RYK: variants seen among roughly 807,000 people sequenced by gnomAD.
RYK encodes inactive tyrosine-protein kinase RYK.
In RYK, 21 loss-of-function variants were observed where a neutral mutation model predicts 70.2. That is an observed-to-expected ratio of 0.30 (90% CI 0.21 to 0.43). The LOEUF (loss-of-function observed/expected upper bound fraction) is 0.43. Ranked by LOEUF, RYK falls within the 20% of genes least tolerant of loss-of-function variation. RYK has a pLI of 1.00. For missense variants in RYK, 604 were observed against 753.3 expected, an observed-to-expected ratio of 0.80 and a Z score of 2.32; for synonymous variants, 267 against 278.0, an observed-to-expected ratio of 0.96 and a Z score of 0.39.
intron 2 of RYK, among the ~76,000 whole-genome samples, 194 bp downstream of exon 2, chr3:134,222,224 C>T (rs542248488): frequency 1.3e-5 from 2 of 152,262 alleles, no homozygotes; most frequent in South Asian, 2.1e-4. Flanking sequence ...TAGCCACCTT[C>T]GTTTTAAAGG....
intron 10 of RYK, among the ~76,000 whole-genome samples, chr3:134,182,523 T>G (rs1012310243): frequency 6.6e-6 from 1 of 152,182 alleles, no homozygotes; most frequent in Non-Finnish European, 1.5e-5. Context: ...TCTAGAGATA[T>G]GTCTCTAGAT....
intron 5 of RYK, among the ~76,000 whole-genome samples, chr3:134,204,596 CACACACA>C (rs2014146770): frequency 1.2e-5 from 1 of 84,694 alleles, no homozygotes; most frequent in African/African-American, 3.9e-5. Context: ...CACAGCCACA[CACACACA>C]CACACACACA....
chr3:134,221,841 A>C (rs1250767794), intron 2 of RYK, among the ~76,000 whole-genome samples: 1 of 152,172 alleles, frequency 6.6e-6, no homozygotes, highest in Non-Finnish European at 1.5e-5. Context: ...GAGAAAACTT[A>C]CCATGTTTGA....
chr3:134,223,430 T>G (rs543938288), intron 1 of RYK, among the ~76,000 whole-genome samples: 11 of 152,260 alleles, frequency 7.2e-5, no homozygotes, highest in Non-Finnish European at 1.2e-4. Flanking sequence ...ATCACTACTT[T>G]TCAGTGGCAA....
chr3:134,220,025 A>G (rs968442894), intron 2 of RYK, among the ~76,000 whole-genome samples: 1 of 152,210 alleles, frequency 6.6e-6, no homozygotes, highest in African/African-American at 2.4e-5. Context: ...AGTTACCACC[A>G]CCAGTCATGG....
At chr3:134,189,744 AAAAAAAAAAAAAAAAAC>A (rs1052324023) in intron 8 of RYK, among the ~76,000 whole-genome samples, 1 of 148,264 alleles carries the variant, frequency 6.7e-6, no homozygotes, top group African/African-American at 2.5e-5. Context: ...CTCCGCCAAA[AAAAAAAAAAAAAAAAAC>A]AAAAAACAAA....
chr3:134,245,390 C>A (rs928477710), intron 1 of RYK, among the ~76,000 whole-genome samples: 6 of 151,508 alleles, frequency 4.0e-5, no homozygotes, highest in Non-Finnish European at 7.4e-5. Context: ...AAAAAAATCA[C>A]AAAGACATCA....
chr3:134,166,995 C>A (rs2012697232), intron 13 of RYK, among the ~76,000 whole-genome samples: 1 of 151,954 alleles, frequency 6.6e-6, no homozygotes, highest in Non-Finnish European at 1.5e-5. Flanking sequence ...CTAGATTTTT[C>A]CTGTCTTTAA....
intron 13 of RYK, among the ~76,000 whole-genome samples, chr3:134,174,892 T>C (rs922930988): frequency 2.0e-5 from 3 of 152,198 alleles, no homozygotes; most frequent in East Asian, 1.9e-4. Flanking sequence ...AGAGGTCACC[T>C]GAAAAAAAGA....
intron 13 of RYK, among the ~76,000 whole-genome samples, chr3:134,165,638 G>A (rs777228286): frequency 2.0e-5 from 3 of 152,192 alleles, no homozygotes; most frequent in Admixed American, 6.5e-5. Context: ...ACTGAGGTAC[G>A]TTCCACCTAG....
At chr3:134,226,570 C>T (rs1443851069) in intron 1 of RYK, among the ~76,000 whole-genome samples, 1 of 152,074 alleles carries the variant, frequency 6.6e-6, no homozygotes, top group African/African-American at 2.4e-5. Flanking sequence ...AACAACATCC[C>T]TTATGAACAT....
intron 5 of RYK, among the ~76,000 whole-genome samples, chr3:134,204,302 T>C (rs2014130936): frequency 6.6e-6 from 1 of 151,756 alleles, no homozygotes. Context: ...GAGACCAGCC[T>C]GACCAACATA....
At chr3:134,186,141 GAAAAT>G (rs2013452346) in intron 9 of RYK, among the ~76,000 whole-genome samples, 1 of 152,132 alleles carries the variant, frequency 6.6e-6, no homozygotes, top group South Asian at 2.1e-4. Flanking sequence ...CTATAATAAA[GAAAAT>G]AAGAACTTAA....
At chr3:134,245,983 A>G (rs775588876) in intron 1 of RYK, among the ~76,000 whole-genome samples, 7 of 152,164 alleles carry the variant, frequency 4.6e-5, no homozygotes, top group Non-Finnish European at 1.0e-4. Context: ...TTAAACAAAC[A>G]AAGAAAAGAT....
intron 2 of RYK, among the ~76,000 whole-genome samples, chr3:134,219,199 T>C (rs568054359): frequency 1.7e-4 from 26 of 152,146 alleles, no homozygotes; most frequent in Non-Finnish European, 3.1e-4. Context: ...CCTTCAAACA[T>C]ATATATTCAC....
chr3:134,233,374 T>C (rs2107691496), intron 1 of RYK, among the ~76,000 whole-genome samples: 1 of 152,336 alleles, frequency 6.6e-6, no homozygotes, highest in South Asian at 2.1e-4. Context: ...TTAAAAATAA[T>C]ACTGACTGTT....
At chr3:134,224,024 G>A (rs1333144396) in intron 1 of RYK, among the ~76,000 whole-genome samples, 1 of 152,228 alleles carries the variant, frequency 6.6e-6, no homozygotes, top group African/African-American at 2.4e-5. Context: ...ATAGGGGAAA[G>A]CTGCTGAACT....
intron 11 of RYK, among the ~76,000 whole-genome samples, chr3:134,176,823 G>A (rs567755681): frequency 3.0e-4 from 46 of 152,200 alleles, no homozygotes; most frequent in Admixed American, 1.0e-3. Flanking sequence ...GGCTGAGGCA[G>A]GCAGATCACG....
chr3:134,206,940 C>G (rs956059013), intron 5 of RYK, among the ~76,000 whole-genome samples: 5 of 151,722 alleles, frequency 3.3e-5, no homozygotes, highest in African/African-American at 1.2e-4. Context: ...GCTATTAACA[C>G]TACCGCAAGA....
Sources: gnomAD v4.1 joint callset for allele counts (sites outside exome capture counted in the v4.1 genomes callset) on GRCh38, gnomAD v4.1.1 for gene constraint, MANE v1.5 for transcripts, NCBI Gene and HGNC (gene_info 2026-07-23, HGNC 2026-07-21) for gene names.